Variants in ANKRD12 observed in about 807,000 individuals in gnomAD.
ANKRD12 encodes ankyrin repeat domain 12.
Under a neutral mutation model 183.4 loss-of-function variants are expected in ANKRD12, and 85 were observed. The observed-to-expected ratio is 0.46, with a 90% CI of 0.39 to 0.56. The LOEUF (loss-of-function observed/expected upper bound fraction) is 0.56. Ranked by LOEUF, ANKRD12 falls within the 20% of genes least tolerant of loss-of-function variation. ANKRD12 has a pLI of 0.00. For missense variants in ANKRD12, 2,405 were observed against 2,357.1 expected, an observed-to-expected ratio of 1.02 and a Z score of -0.42; for synonymous variants, 914 against 800.2, an observed-to-expected ratio of 1.14 and a Z score of -2.40.
Position 9,257,651 on chromosome 18 carries a change from A to C in ANKRD12, c.4384A>C (p.Asn1462His). The C allele has an allele frequency of 6.2e-7, 1 of 1,613,934 alleles. No homozygotes were observed. Among genetic ancestry groups the C allele is most frequent in the Non-Finnish European group, 8.5e-7 (1 of 1,179,940 alleles). The change falls in exon 9 of 13, where the codon AAT becomes CAT. Residue 1462 changes from asparagine to histidine, a missense_variant. By Grantham distance (68) the Asn-to-His change is moderately conservative. Transcript: ENST00000262126. The part of the protein sequence containing the change: ...CNSENKVLKE[N>H]ADFLSLRQTE... ...TTCTGAAAATAAGGTATTGAAAGAAAATGCTGATTTTTTATCCCTGCGCCA... is the reference window on the plus strand; with the variant it reads ...TTCTGAAAATAAGGTATTGAAAGAACATGCTGATTTTTTATCCCTGCGCCA...
intron 12 of ANKRD12, among the ~76,000 whole-genome samples, chr18:9,280,014 C>T (rs985662561): frequency 6.6e-6 from 1 of 151,982 alleles, no homozygotes; most frequent in Non-Finnish European, 1.5e-5. Flanking sequence ...AAGTCTTTCC[C>T]CCCTAGATTT....
intron 8 of ANKRD12, among the ~76,000 whole-genome samples, chr18:9,242,808 AT>A (rs2037739297): frequency 6.6e-6 from 1 of 152,236 alleles, no homozygotes; most frequent in South Asian, 2.1e-4. Flanking sequence ...TATTGATTAT[AT>A]TCTCTTCCTT....
chr18:9,256,413 C>T lies in ANKRD12; in HGVS notation c.3146C>T (p.Ala1049Val), dbSNP rs867455097. The T allele has an allele frequency of 2.5e-6, 4 of 1,610,328 alleles. No individual in the cohort carries two copies. Among genetic ancestry groups the T allele is most frequent in the South Asian group, 1.1e-5 (1 of 89,860 alleles). ...AGCTTACTCAAACTAAAATCTGAAG[C>T]AGATAAGCCTAAACCTAAGTCATCA... is the stretch of plus-strand genomic sequence containing the variant. ...INSLLKLKSE[A>V]DKPKPKSSPA... Residue 1049 changes from alanine to valine, a missense_variant, in exon 9 of 13, where the codon GCA becomes GTA. Around this residue, in one of 7 missense-constraint regions of ANKRD12, gnomAD observed 1,983 missense variants for 1,725.9 expected, o/e 1.15. Coordinates refer to ENST00000262126, the MANE Select transcript of ANKRD12 (RefSeq NM_015208.5).
chr18:9,211,843 T>A, intron 6 of ANKRD12, 59 bp downstream of exon 6: 1 of 1,336,862 alleles, frequency 7.5e-7, no homozygotes, highest in Non-Finnish European at 1.1e-6. Flanking sequence ...AGATCCTGGT[T>A]ACAATTTAAT....
rs1410998439 is a variant in ANKRD12 at position 9,283,760 on chromosome 18, A to G, written c.*2634A>G. 2 of 152,596 alleles carry G rather than the reference A, an allele frequency of 1.3e-5. No homozygotes were observed. Among genetic ancestry groups the G allele is most frequent in the African/African-American group, 4.8e-5 (2 of 41,444 alleles). 9.5% of individuals were successfully genotyped at this position (152,596 alleles called of 1,614,324 possible). A position where few individuals can be genotyped will look rare whatever the true frequency, so the allele number is the denominator to read the frequency against. On this transcript the variant is annotated 3_prime_UTR_variant, in exon 13 of 13. Coordinates refer to ENST00000262126, the MANE Select transcript of ANKRD12 (RefSeq NM_015208.5). ...TTAATAAAGAGTTATATTTTTATAG[A>G]AAAAAAGAGTGAAATGTGTGCTAAC...
Position 9,257,189 on chromosome 18 carries a change from C to T in ANKRD12, c.3922C>T (p.Arg1308Ter), listed in dbSNP as rs766734820. Residue 1308 changes from arginine (R) to a stop codon, truncating the protein, a stop_gained, in exon 9 of 13, where the codon CGA becomes TGA. Transcript: ENST00000262126. LOFTEE classifies it high-confidence loss of function. ...CGAGGGGAGACCTACCATAGAAGTT[C>T]GAAGATGTAGCATGCCTTCTGTCAT... ...ISEGRPTIEV[R>*]RCSMPSVICE... The T allele has an allele frequency of 2.5e-6, 4 of 1,613,960 alleles. No individual in the cohort carries two copies. Among genetic ancestry groups the T allele is most frequent in the Non-Finnish European group, 3.4e-6 (4 of 1,179,980 alleles).
At chr18:9,279,207 T>G (rs1280772413) in intron 11 of ANKRD12, among the ~76,000 whole-genome samples, 1 of 152,234 alleles carries the variant, frequency 6.6e-6, no homozygotes, top group African/African-American at 2.4e-5. Context: ...GATAGTAAAC[T>G]GTAACATTAA....
chr18:9,264,409 G>T (rs983565315), intron 10 of ANKRD12, among the ~76,000 whole-genome samples: 3 of 152,162 alleles, frequency 2.0e-5, no homozygotes, highest in East Asian at 3.8e-4. Flanking sequence ...TTTGGGGAGG[G>T]TTGAGGACCT....
intron 6 of ANKRD12, among the ~76,000 whole-genome samples, chr18:9,214,268 A>G (rs757196787): frequency 7.2e-4 from 110 of 152,300 alleles, no homozygotes; most frequent in Non-Finnish European, 1.3e-3. Flanking sequence ...AAGTTAAAAC[A>G]TATGCATACA....
chr18:9,178,394 A>C (rs2033451337), intron 1 of ANKRD12, among the ~76,000 whole-genome samples: 1 of 152,094 alleles, frequency 6.6e-6, no homozygotes, highest in Non-Finnish European at 1.5e-5. Context: ...ATTGAAAGGA[A>C]TATATCCTTT....
rs1379380758 is a variant in ANKRD12, at chr18:9,196,068, T to G, written c.235+370T>G. Among the ~76,000 whole-genome samples, 3 of 147,012 alleles carry G rather than the reference T, an allele frequency of 2.0e-5. No homozygotes were observed. In the Admixed American group the frequency reaches 2.1e-4, roughly 10 times the overall value. On this transcript the variant is annotated intron_variant, in intron 3 of 12. Transcript: ENST00000262126. ...AACATATGGTCACACCCCAAAGAAGTTTAGGCACTTTAGATTCAGAAATAA... is the reference window on the plus strand; with the variant it reads ...AACATATGGTCACACCCCAAAGAAGGTTAGGCACTTTAGATTCAGAAATAA...
chr18:9,260,534 G>A (rs1308007904), intron 9 of ANKRD12: 2 of 152,276 alleles, frequency 1.3e-5, no homozygotes, highest in East Asian at 1.9e-4. Context: ...AACGAGATTT[G>A]TTACAACCTA....
At chr18:9,263,400 CTATA>C (rs1169644151) in intron 9 of ANKRD12, among the ~76,000 whole-genome samples, 1 of 39,908 alleles carries the variant, frequency 2.5e-5, no homozygotes, top group African/African-American at 4.1e-5. Flanking sequence ...ACAGACCTCA[CTATA>C]TAGATACCAA....
At chr18:9,217,751 T>C (rs182208533) in intron 7 of ANKRD12, among the ~76,000 whole-genome samples, 2 of 152,324 alleles carry the variant, frequency 1.3e-5, no homozygotes, top group Admixed American at 6.5e-5. Context: ...TTTACTGATA[T>C]TCTTGTCTAG....
intron 3 of ANKRD12, among the ~76,000 whole-genome samples, chr18:9,202,616 G>A (rs1271554807): frequency 6.6e-6 from 1 of 152,164 alleles, no homozygotes; most frequent in Non-Finnish European, 1.5e-5. Flanking sequence ...TAAAATACAA[G>A]TGTCACTTGT....
intron 10 of ANKRD12, among the ~76,000 whole-genome samples, chr18:9,273,135 T>C (rs1394143583): frequency 6.6e-6 from 1 of 152,192 alleles, no homozygotes; most frequent in East Asian, 1.9e-4. Flanking sequence ...GTTATCCCCA[T>C]TGATACTTAG....
At chr18:9,165,863 T>TCC (rs1295165829) in intron 1 of ANKRD12, among the ~76,000 whole-genome samples, 5 of 94,144 alleles carry the variant, frequency 5.3e-5, no homozygotes, top group African/African-American at 1.2e-4. Flanking sequence ...ATGCTATCCC[T>TCC]CCCCCCCTCC....
In ANKRD12 at chr18:9,258,159, A is replaced by G. The variant is rs1204667386; in HGVS notation, c.4892A>G (p.His1631Arg). 3.1e-6 allele frequency: 5 copies of G among 1,613,762 alleles called. No homozygotes were observed. Among genetic ancestry groups the G allele is most frequent in the Non-Finnish European group, 4.2e-6 (5 of 1,179,998 alleles). ...ACAACTGATACTCAGGTCATTTCAC[A>G]TGAAAAAGAAAACAAACTGGAGAGT... ...NSTTDTQVIS[H>R]EKENKLESLV... Residue 1631 changes from histidine (H) to arginine (R), a missense_variant, in exon 9 of 13, where the codon CAT becomes CGT. Physicochemically the swap from His to Arg is conservative, Grantham distance 29. This residue lies in a region of ANKRD12 where 1,983 missense variants were observed against 1,725.9 expected (regional missense o/e 1.15). Coordinates refer to ENST00000262126, the MANE Select transcript of ANKRD12 (RefSeq NM_015208.5).
At chr18:9,264,925 A>C (rs559145052) in intron 10 of ANKRD12, among the ~76,000 whole-genome samples, 1 of 152,330 alleles carries the variant, frequency 6.6e-6, no homozygotes. Flanking sequence ...GCGACGCAGA[A>C]GACGGGTGAT....
Sources: gnomAD v4.1 joint callset for allele counts (sites outside exome capture counted in the v4.1 genomes callset) on GRCh38, gnomAD v4.1.1 for gene constraint, gnomAD v4.1.1 regional missense constraint, MANE v1.5 for transcripts, NCBI Gene and HGNC (gene_info 2026-07-23, HGNC 2026-07-21) for gene names.